Variants in HTR4 observed in about 807,000 individuals in gnomAD.
HTR4 encodes the protein 5-hydroxytryptamine receptor 4, also known as 5-hydroxytryptamine (serotonin) receptor 4, G protein-coupled.
A neutral mutation model predicts 36.8 loss-of-function variants in HTR4; 16 were observed. The ratio of observed to expected loss-of-function variants is 0.43; its 90% CI spans 0.29 to 0.66. HTR4 has a LOEUF of 0.66. Ranked by LOEUF, HTR4 falls within the 30% of genes least tolerant of loss-of-function variation. The pLI, the probability that HTR4 is intolerant of heterozygous loss-of-function variation, is 0.13. For missense variants in HTR4, 438 were observed against 490.9 expected (o/e 0.89, Z 1.02); for synonymous variants, 189 against 185.1 (o/e 1.02, Z -0.17).
chr5:148,484,963 G>A (rs546396331), intron 6 of HTR4, among the ~76,000 whole-genome samples: 1 of 151,688 alleles, frequency 6.6e-6, no homozygotes. Flanking sequence ...AACAATGAAT[G>A]AAAAAGAAGG....
At chr5:148,561,831 C>A (rs1001391250) in intron 2 of HTR4, among the ~76,000 whole-genome samples, 51 of 152,262 alleles carry the variant, frequency 3.3e-4, no homozygotes, top group African/African-American at 1.1e-3. Context: ...TTACCCTAAG[C>A]ATAAGCACTC....
At position 148,563,066 on chromosome 5, in the gene HTR4, T is replaced by G. The variant is rs1760283868; in HGVS notation, c.27-12804A>C. ...CATACTCACTGCCCTTAAGATGGCT[T>G]GTCATCTCACTAGGAGTAAACCCAG... On this transcript the variant is annotated intron_variant, in intron 2 of 6. Transcript: ENST00000377888. Among the ~76,000 whole-genome samples the G allele has an allele frequency of 2.0e-5, 3 of 152,216 alleles. No homozygotes were observed. In the South Asian group the frequency reaches 6.2e-4, roughly 31 times the overall value.
At chr5:148,541,284 A>G (rs1178381280) in intron 4 of HTR4, among the ~76,000 whole-genome samples, 1 of 152,168 alleles carries the variant, frequency 6.6e-6, no homozygotes, top group African/African-American at 2.4e-5. Context: ...AACCAACCCC[A>G]GCGTCATACA....
chr5:148,592,893 C>T (rs566827246), intron 2 of HTR4, among the ~76,000 whole-genome samples: 10 of 152,130 alleles, frequency 6.6e-5, no homozygotes, highest in Middle Eastern at 3.4e-3. Flanking sequence ...CTATTGTTTA[C>T]GTAATGTTTT....
At chr5:148,457,665 A>C (rs1296865018) in intron 5 of HTR4, among the ~76,000 whole-genome samples, 1 of 147,148 alleles carries the variant, frequency 6.8e-6, no homozygotes, top group African/African-American at 2.5e-5. Context: ...ATTAAAATAT[A>C]TTTTAATATA....
At chr5:148,535,383 G>A (rs900245872) in intron 4 of HTR4, among the ~76,000 whole-genome samples, 1 of 152,176 alleles carries the variant, frequency 6.6e-6, no homozygotes, top group Admixed American at 6.5e-5. Context: ...TAACCAGGCT[G>A]AGCTGGCTGA....
chr5:148,541,270 G>C (rs979602900), intron 4 of HTR4, among the ~76,000 whole-genome samples: 6 of 152,112 alleles, frequency 3.9e-5, no homozygotes, highest in African/African-American at 1.4e-4. Context: ...TCTGAGGACA[G>C]AGAAACCAAC....
At chr5:148,555,712 TG>T (rs1396729160) in intron 2 of HTR4, among the ~76,000 whole-genome samples, 1 of 152,190 alleles carries the variant, frequency 6.6e-6, no homozygotes, top group Non-Finnish European at 1.5e-5. Flanking sequence ...TCTTCTTTTT[TG>T]CTTTCTCCGT....
chr5:148,611,448 A>G (rs879679646), intron 2 of HTR4, among the ~76,000 whole-genome samples: 5,252 of 137,324 alleles, frequency 0.038, 229 homozygotes, highest in African/African-American at 0.11. Context: ...GTGAAGGAGA[A>G]ATAAAATACT....
At chr5:148,507,642 G>T (rs1425292417) in intron 6 of HTR4, among the ~76,000 whole-genome samples, 1 of 150,826 alleles carries the variant, frequency 6.6e-6, no homozygotes, top group African/African-American at 2.4e-5. Flanking sequence ...TCTCTAAATT[G>T]TCTCTTTGCT....
intron 5 of HTR4, among the ~76,000 whole-genome samples, chr5:148,453,455 T>C (rs1165177115): frequency 1.3e-5 from 2 of 152,230 alleles, no homozygotes; most frequent in Non-Finnish European, 2.9e-5. Flanking sequence ...GTTTAAATAC[T>C]CAGGCCGTTT....
At chr5:148,589,604 A>T (rs1222622258) in intron 2 of HTR4, among the ~76,000 whole-genome samples, 1 of 151,952 alleles carries the variant, frequency 6.6e-6, no homozygotes, top group Non-Finnish European at 1.5e-5. Flanking sequence ...GTAATACTTT[A>T]TCTGTTACAT....
chr5:148,534,287 T>A (rs1421517512), intron 4 of HTR4, among the ~76,000 whole-genome samples: 1 of 152,222 alleles, frequency 6.6e-6, no homozygotes, highest in African/African-American at 2.4e-5. Flanking sequence ...CAGGCTGCCA[T>A]CTTTGCTGTT....
intron 5 of HTR4, among the ~76,000 whole-genome samples, chr5:148,452,525 T>C (rs761834951): frequency 6.6e-6 from 1 of 152,168 alleles, no homozygotes; most frequent in Non-Finnish European, 1.5e-5. Flanking sequence ...ATCAGTGTTG[T>C]ACGATACATA....
intron 5 of HTR4, among the ~76,000 whole-genome samples, chr5:148,453,546 G>A (rs972082919): frequency 6.6e-6 from 1 of 152,178 alleles, no homozygotes; most frequent in African/African-American, 2.4e-5. Context: ...TCTAGGTAGA[G>A]GGAACAGCAG....
chr5:148,465,726 C>T, intron 5 of HTR4: 1 of 1,296,822 alleles, frequency 7.7e-7, no homozygotes, highest in Non-Finnish European at 1.0e-6. Context: ...TCTGTGCCAA[C>T]AATTGTGCAC....
chr5:148,483,941 ATT>A (rs1228266031), intron 6 of HTR4, among the ~76,000 whole-genome samples: 1 of 72,704 alleles, frequency 1.4e-5, no homozygotes, highest in African/African-American at 8.8e-5. Flanking sequence ...TTTATTATTT[ATT>A]TATTTATTTA....
intron 4 of HTR4, among the ~76,000 whole-genome samples, chr5:148,524,990 C>A (rs17706602): frequency 6.6e-6 from 1 of 152,102 alleles, no homozygotes; most frequent in African/African-American, 2.4e-5. Context: ...GAGCAGCTGA[C>A]GACATTGTGC....
chr5:148,575,171 G>A (rs1040842606), intron 2 of HTR4, among the ~76,000 whole-genome samples: 3 of 151,844 alleles, frequency 2.0e-5, no homozygotes, highest in Non-Finnish European at 4.4e-5. Context: ...CTCCAATTTT[G>A]AGGCTAGTGT....
Sources: allele counts gnomAD v4.1 joint callset (sites outside exome capture counted in the v4.1 genomes callset), GRCh38; gene constraint gnomAD v4.1.1; transcripts MANE v1.5; gene names NCBI Gene and HGNC (gene_info 2026-07-23, HGNC 2026-07-21).